SHISA9: variants seen among roughly 807,000 people sequenced by gnomAD.
The protein encoded by SHISA9 is shisa family member 9.
A neutral mutation model predicts 38.0 loss-of-function variants in SHISA9; 13 were observed. The ratio of observed to expected loss-of-function variants is 0.34; its 90% confidence interval spans 0.22 to 0.54. SHISA9 has a LOEUF of 0.54. SHISA9 is among the 20% of genes least tolerant of loss of function. The probability of loss-of-function intolerance (pLI) is 0.91; values close to 1 mark genes in which losing one functional copy is unlikely to be tolerated. For missense variants in SHISA9, 538 were observed against 575.8 expected (o/e 0.93, Z 0.67); for synonymous variants, 275 against 242.0 (o/e 1.14, Z -1.27).
the SHISA9 span, among the ~76,000 whole-genome samples, chr16:13,485,887 G>A: frequency 2.6e-5 from 4 of 152,212 alleles, no homozygotes; most frequent in Non-Finnish European, 4.4e-5. Flanking sequence ...GAGAATCTGA[G>A]ATGTTTATCT....
intron 2 of SHISA9, among the ~76,000 whole-genome samples, chr16:12,959,494 T>C (rs866245650): frequency 1.3e-4 from 20 of 152,150 alleles, no homozygotes; most frequent in Middle Eastern, 3.4e-3. Flanking sequence ...TAGTCCTCTT[T>C]CGAGGAAAAG....
chr16:13,457,391 G>A, the SHISA9 span, among the ~76,000 whole-genome samples: 1 of 152,082 alleles, frequency 6.6e-6, no homozygotes, highest in Non-Finnish European at 1.5e-5. Context: ...CCCCTCTCTT[G>A]AACTTCCAGT....
At chr16:13,107,104 G>C (rs1374098470) in intron 2 of SHISA9, among the ~76,000 whole-genome samples, 1 of 152,058 alleles carries the variant, frequency 6.6e-6, no homozygotes, top group Non-Finnish European at 1.5e-5. Flanking sequence ...TATTCCCCGA[G>C]TGAGGGAATG....
At chr16:13,499,119 C>A in the SHISA9 span, among the ~76,000 whole-genome samples, 1 of 152,180 alleles carries the variant, frequency 6.6e-6, no homozygotes, top group African/African-American at 2.4e-5. Flanking sequence ...TGTTTCCCCA[C>A]CTATGCAGCA....
chr16:12,910,076 C>G (rs573978036), intron 1 of SHISA9: 1 of 152,166 alleles, frequency 6.6e-6, no homozygotes, highest in Non-Finnish European at 1.5e-5. Flanking sequence ...AGGCTGGTCT[C>G]GAACTCTTGA....
the SHISA9 span, among the ~76,000 whole-genome samples, chr16:13,433,045 A>G: frequency 6.6e-6 from 1 of 152,132 alleles, no homozygotes; most frequent in Admixed American, 6.5e-5. Flanking sequence ...ACATACCTGC[A>G]CTTGTAACCC....
intron 2 of SHISA9, among the ~76,000 whole-genome samples, chr16:13,112,199 A>C (rs958250439): frequency 6.6e-6 from 1 of 152,174 alleles, no homozygotes. Flanking sequence ...TCAGATGCCA[A>C]ATAAAGCTTT....
intron 2 of SHISA9, among the ~76,000 whole-genome samples, chr16:13,097,093 C>G (rs1000210980): frequency 5.3e-5 from 8 of 152,156 alleles, no homozygotes; most frequent in African/African-American, 1.9e-4. Context: ...GGTATATAAT[C>G]AACACTTGAT....
chr16:12,959,655 A>G (rs530357605), intron 2 of SHISA9, among the ~76,000 whole-genome samples: 34 of 152,252 alleles, frequency 2.2e-4, no homozygotes, highest in African/African-American at 7.9e-4. Flanking sequence ...TTAACTCATC[A>G]TTTCATTCAG....
chr16:13,292,679 C>T, the SHISA9 span, among the ~76,000 whole-genome samples: 1 of 151,832 alleles, frequency 6.6e-6, no homozygotes, highest in Admixed American at 6.6e-5. Context: ...GGAAGTAATA[C>T]AAAAAAGAAG....
intron 2 of SHISA9, among the ~76,000 whole-genome samples, chr16:13,067,383 A>G (rs1338111439): frequency 6.6e-6 from 1 of 152,188 alleles, no homozygotes; most frequent in Non-Finnish European, 1.5e-5. Flanking sequence ...CACTTTCTAG[A>G]TGAGTGATGT....
At chr16:12,970,882 A>G (rs896746712) in intron 2 of SHISA9, among the ~76,000 whole-genome samples, 14 of 152,044 alleles carry the variant, frequency 9.2e-5, no homozygotes, top group South Asian at 6.2e-4. Flanking sequence ...AGGGATTTTT[A>G]TCTATTTCAT....
intron 2 of SHISA9, among the ~76,000 whole-genome samples, chr16:12,933,123 T>G (rs1445132230): frequency 1.3e-5 from 2 of 152,192 alleles, no homozygotes; most frequent in African/African-American, 2.4e-5. Context: ...TAGCATATCT[T>G]TGTTTAATGA....
At chr16:13,258,076 G>A in the SHISA9 span, among the ~76,000 whole-genome samples, 3 of 152,134 alleles carry the variant, frequency 2.0e-5, no homozygotes, top group African/African-American at 4.8e-5. Context: ...CATCTGTAAG[G>A]CCGTGTAATT....
chr16:13,231,445 G>C (rs913941560), intron 4 of SHISA9, among the ~76,000 whole-genome samples: 14 of 152,214 alleles, frequency 9.2e-5, no homozygotes, highest in African/African-American at 3.1e-4. Flanking sequence ...ATGGGTTCTA[G>C]TCCCAGCTCT....
the SHISA9 span, among the ~76,000 whole-genome samples, chr16:13,562,222 T>C: frequency 6.6e-6 from 1 of 152,214 alleles, no homozygotes; most frequent in African/African-American, 2.4e-5. Context: ...ACAGGTATTA[T>C]GAATCAGAGA....
chr16:12,976,127 A>G (rs2072158796), intron 2 of SHISA9, among the ~76,000 whole-genome samples: 2 of 152,006 alleles, frequency 1.3e-5, no homozygotes, highest in African/African-American at 2.4e-5. Context: ...TTGCTTTGTC[A>G]CCCAGGCTGG....
chr16:13,072,948 G>C (rs541266067), intron 2 of SHISA9, among the ~76,000 whole-genome samples: 1 of 152,028 alleles, frequency 6.6e-6, no homozygotes, highest in Admixed American at 6.6e-5. Flanking sequence ...GGTGTGAGCC[G>C]CCATCCCTGG....
chr16:13,257,066 CAG>C, the SHISA9 span, among the ~76,000 whole-genome samples: 1 of 152,166 alleles, frequency 6.6e-6, no homozygotes, highest in South Asian at 2.1e-4. Flanking sequence ...AACGACCATC[CAG>C]AGACTCTCTG....
Sources: gnomAD v4.1 joint callset for allele counts (sites outside exome capture counted in the v4.1 genomes callset) on GRCh38, gnomAD v4.1.1 for gene constraint, MANE v1.5 for transcripts, NCBI Gene and HGNC (gene_info 2026-07-23, HGNC 2026-07-21) for gene names.